Variants in XPR1 observed in about 807,000 individuals in gnomAD.
The protein encoded by XPR1 is solute carrier family 53 member 1.
XPR1 carries 28 observed loss-of-function variants against 87.5 expected under a neutral mutation model. The ratio of observed to expected loss-of-function variants is 0.32; its 90% CI spans 0.24 to 0.44. XPR1 has a LOEUF of 0.44. Among genes scored for constraint, XPR1 ranks in the 20% least tolerant of loss-of-function variants. The pLI is 1.00. For missense variants in XPR1, 559 were observed against 862.3 expected (o/e 0.65, Z 4.41); for synonymous variants, 300 against 306.1 (o/e 0.98, Z 0.21).
intron 11 of XPR1, among the ~76,000 whole-genome samples, chr1:180,849,379 T>C (rs1238064372): frequency 3.3e-5 from 5 of 152,226 alleles, no homozygotes; most frequent in African/African-American, 4.8e-5. Flanking sequence ...GGCAGCGTGC[T>C]ATAATGTTGT....
intron 1 of XPR1, among the ~76,000 whole-genome samples, chr1:180,676,293 T>G (rs1183751559): frequency 1.3e-5 from 2 of 152,220 alleles, no homozygotes; most frequent in Admixed American, 6.5e-5. Context: ...TGGTGATGTA[T>G]TTGGTTCCTG....
chr1:180,736,640 G>A (rs970359439), intron 2 of XPR1, among the ~76,000 whole-genome samples: 4 of 152,170 alleles, frequency 2.6e-5, no homozygotes, highest in African/African-American at 7.2e-5. Flanking sequence ...TTTACATACA[G>A]TATTTCATTT....
chr1:180,844,095 C>G (rs186477202), intron 11 of XPR1, among the ~76,000 whole-genome samples: 1 of 152,240 alleles, frequency 6.6e-6, no homozygotes, highest in Non-Finnish European at 1.5e-5. Flanking sequence ...CCTGTAATCC[C>G]AGCTACTCGG....
intron 7 of XPR1, among the ~76,000 whole-genome samples, chr1:180,816,664 G>A (rs12142163): frequency 0.34 from 51,484 of 152,012 alleles, 9,107 homozygotes; most frequent in Non-Finnish European, 0.38. Context: ...CATAATGGAC[G>A]GCATAGCCAT....
intron 11 of XPR1, among the ~76,000 whole-genome samples, chr1:180,846,795 A>C (rs555284029): frequency 1.3e-5 from 2 of 151,998 alleles, no homozygotes; most frequent in East Asian, 3.9e-4. Context: ...TACGGTTTTC[A>C]TGAAAATATT....
chr1:180,683,482 G>C (rs1262241965), intron 2 of XPR1, among the ~76,000 whole-genome samples: 3 of 152,168 alleles, frequency 2.0e-5, no homozygotes, highest in Non-Finnish European at 4.4e-5. Flanking sequence ...TATATACCCA[G>C]TAATGGGATG....
chr1:180,733,557 G>T (rs1284396894), intron 2 of XPR1, among the ~76,000 whole-genome samples: 2 of 152,210 alleles, frequency 1.3e-5, no homozygotes, highest in Non-Finnish European at 2.9e-5. Context: ...TGAAGGAAGG[G>T]TTTGTCAGCA....
intron 2 of XPR1, among the ~76,000 whole-genome samples, chr1:180,713,610 G>A (rs1173918183): frequency 6.6e-6 from 1 of 151,996 alleles, no homozygotes; most frequent in Admixed American, 6.6e-5. Flanking sequence ...TTTGTTAGGT[G>A]CTTTTTTCAT....
At chr1:180,762,144 A>G (rs1362715879) in intron 2 of XPR1, among the ~76,000 whole-genome samples, 1 of 138,982 alleles carries the variant, frequency 7.2e-6, no homozygotes, top group Non-Finnish European at 1.6e-5. Flanking sequence ...GGGGGGAGGG[A>G]TAGCATTAGG....
chr1:180,734,632 G>A lies in XPR1; in HGVS notation c.121+52221G>A, dbSNP rs570144086. 6.6e-5 allele frequency among the ~76,000 whole-genome samples: 10 copies of A among 152,280 alleles called. No individual in the cohort carries two copies. The East Asian group carries it at 1.9e-3, about 29-fold the overall frequency. On this transcript the variant is annotated intron_variant, in intron 2 of 14. Coordinates refer to ENST00000367590, the MANE Select transcript of XPR1 (RefSeq NM_004736.4). ...GGGCCATTTCTGTGTGGTACAGTGGGCCAATTTCACATGTGGGACAGCAAG... is the reference window on the plus strand; with the variant it reads ...GGGCCATTTCTGTGTGGTACAGTGGACCAATTTCACATGTGGGACAGCAAG...
At chr1:180,798,606 T>C (rs138906800) in intron 3 of XPR1, among the ~76,000 whole-genome samples, 148 of 152,196 alleles carry the variant, frequency 9.7e-4, no homozygotes, top group African/African-American at 3.0e-3. Flanking sequence ...TTAATTGCTG[T>C]AGGGTTTTTT....
At chr1:180,696,208 G>GTGTGTGTA (rs1241189679) in intron 2 of XPR1, among the ~76,000 whole-genome samples, 60 of 88,580 alleles carry the variant, frequency 6.8e-4, no homozygotes, top group Non-Finnish European at 8.4e-4. Context: ...GTGTGTGTGT[G>GTGTGTGTA]TATATATATA....
intron 3 of XPR1, among the ~76,000 whole-genome samples, chr1:180,788,585 G>A (rs776778845): frequency 6.6e-6 from 1 of 151,866 alleles, no homozygotes; most frequent in Non-Finnish European, 1.5e-5. Flanking sequence ...CTGTTACACC[G>A]CCAGATATAC....
intron 3 of XPR1, among the ~76,000 whole-genome samples, chr1:180,796,792 A>G (rs1328313865): frequency 6.6e-6 from 1 of 152,242 alleles, no homozygotes; most frequent in East Asian, 1.9e-4. Flanking sequence ...TAAACAAAAT[A>G]TATATCCACA....
At chr1:180,811,285 T>A in intron 6 of XPR1, 122 bp from the exon 7 acceptor site, 1 of 809,344 alleles carries the variant, frequency 1.2e-6, no homozygotes, top group Non-Finnish European at 2.0e-6. Flanking sequence ...TATAAAAATT[T>A]AGAACATTAA....
chr1:180,686,628 A>G (rs919221845), intron 2 of XPR1, among the ~76,000 whole-genome samples: 7 of 152,266 alleles, frequency 4.6e-5, no homozygotes, highest in African/African-American at 1.7e-4. Context: ...AACACTCCAC[A>G]TCAGGTTTTT....
intron 2 of XPR1, among the ~76,000 whole-genome samples, chr1:180,769,455 TTC>T (rs113535211): frequency 0.023 from 2,713 of 118,358 alleles, 76 homozygotes; most frequent in African/African-American, 0.065. Context: ...TAACCATCCT[TTC>T]TCTCTCTCTC....
intron 11 of XPR1, among the ~76,000 whole-genome samples, chr1:180,855,522 G>T (rs778246671): frequency 6.6e-6 from 1 of 151,906 alleles, no homozygotes; most frequent in Non-Finnish European, 1.5e-5. Context: ...AAAATTAGCC[G>T]GGTGTGGTGG....
chr1:180,818,546 A>C (rs1650497787), intron 7 of XPR1, among the ~76,000 whole-genome samples: 1 of 152,110 alleles, frequency 6.6e-6, no homozygotes, highest in Non-Finnish European at 1.5e-5. Flanking sequence ...TGCATGAAAA[A>C]CATTGAGTAT....
Sources: gnomAD v4.1 joint callset for allele counts (sites outside exome capture counted in the v4.1 genomes callset) on GRCh38, gnomAD v4.1.1 for gene constraint, MANE v1.5 for transcripts, NCBI Gene and HGNC (gene_info 2026-07-23, HGNC 2026-07-21) for gene names.